Variants in NSMCE2 observed in about 807,000 individuals in gnomAD.
NSMCE2 encodes E3 SUMO-protein ligase NSE2.
In NSMCE2, 24 loss-of-function variants were observed where a neutral mutation model predicts 23.8. The observed-to-expected ratio is 1.01, with a 90% CI of 0.73 to 1.42. The LOEUF (loss-of-function observed/expected upper bound fraction) is 1.42. NSMCE2 is among the 40% of genes most tolerant of loss of function. NSMCE2 has a pLI of 0.00. For missense variants in NSMCE2, 284 were observed against 296.5 expected, an observed-to-expected ratio of 0.96 and a Z score of 0.31; for synonymous variants, 92 against 94.1, an observed-to-expected ratio of 0.98 and a Z score of 0.13.
chr8:125,277,631 C>T (rs916005408), intron 5 of NSMCE2, among the ~76,000 whole-genome samples: 1 of 151,986 alleles, frequency 6.6e-6, no homozygotes, highest in Non-Finnish European at 1.5e-5. Flanking sequence ...CTCAGCCTCC[C>T]GAGTAGCTGG....
intron 5 of NSMCE2, among the ~76,000 whole-genome samples, chr8:125,264,205 A>G (rs1826818345): frequency 6.6e-6 from 1 of 152,214 alleles, no homozygotes; most frequent in African/African-American, 2.4e-5. Context: ...GTGGACTGTC[A>G]TGAGTGTGAA....
intron 5 of NSMCE2, among the ~76,000 whole-genome samples, chr8:125,277,568 G>A (rs1424726228): frequency 3.3e-5 from 5 of 151,170 alleles, no homozygotes; most frequent in Non-Finnish European, 5.9e-5. Context: ...GTGCAGTGGC[G>A]CGATCTCAGC....
intron 5 of NSMCE2, among the ~76,000 whole-genome samples, chr8:125,296,138 TA>T (rs1828315300): frequency 6.6e-6 from 1 of 152,222 alleles, no homozygotes; most frequent in African/African-American, 2.4e-5. Flanking sequence ...TTATCTCATT[TA>T]ATACTTTCCA....
At chr8:125,144,542 C>T (rs1002421530) in intron 3 of NSMCE2, among the ~76,000 whole-genome samples, 13 of 152,282 alleles carry the variant, frequency 8.5e-5, no homozygotes, top group East Asian at 5.8e-4. Context: ...ACATAAGGAC[C>T]GTATTGCTAC....
At chr8:125,213,581 T>C (rs907673755) in intron 5 of NSMCE2, among the ~76,000 whole-genome samples, 3 of 128,708 alleles carry the variant, frequency 2.3e-5, no homozygotes, top group African/African-American at 8.5e-5. Flanking sequence ...CTCCCCTCTT[T>C]CCTTTCTTCT....
intron 3 of NSMCE2, among the ~76,000 whole-genome samples, chr8:125,113,792 C>T (rs1051433212): frequency 6.6e-6 from 1 of 152,084 alleles, no homozygotes; most frequent in Non-Finnish European, 1.5e-5. Flanking sequence ...CTGAAAGGGA[C>T]CTTAGTGGTT....
intron 5 of NSMCE2, among the ~76,000 whole-genome samples, chr8:125,320,442 C>T (rs1050386149): frequency 3.3e-5 from 5 of 151,516 alleles, no homozygotes; most frequent in East Asian, 3.9e-4. Context: ...AGGGATCTTA[C>T]GATCAAATTG....
chr8:125,146,637 A>G (rs572233763), intron 3 of NSMCE2, among the ~76,000 whole-genome samples: 4 of 152,266 alleles, frequency 2.6e-5, no homozygotes, highest in South Asian at 4.1e-4. Flanking sequence ...TCAGCAAACT[A>G]TCGCAAGGAC....
At chr8:125,326,575 C>G (rs1829671970) in intron 5 of NSMCE2, among the ~76,000 whole-genome samples, 1 of 152,058 alleles carries the variant, frequency 6.6e-6, no homozygotes. Flanking sequence ...GAGAGGACTT[C>G]TGATTTTATT....
chr8:125,181,700 C>CA (rs72131110), intron 4 of NSMCE2, among the ~76,000 whole-genome samples: 5,268 of 132,186 alleles, frequency 0.04, 212 homozygotes, highest in African/African-American at 0.11. Flanking sequence ...GGTGGAGGGC[C>CA]AAAAAAAAAA....
chr8:125,129,568 G>A (rs894001603), intron 3 of NSMCE2, among the ~76,000 whole-genome samples: 1 of 151,968 alleles, frequency 6.6e-6, no homozygotes, highest in East Asian at 1.9e-4. Flanking sequence ...GTGTGTGTGT[G>A]TGTGTGTGTG....
intron 3 of NSMCE2, among the ~76,000 whole-genome samples, chr8:125,123,342 T>G (rs1299039080): frequency 6.6e-6 from 1 of 152,188 alleles, no homozygotes; most frequent in Non-Finnish European, 1.5e-5. Flanking sequence ...CCACAATATT[T>G]ACTAAGTTCC....
chr8:125,202,215 G>A (rs1438280723), intron 5 of NSMCE2, among the ~76,000 whole-genome samples: 1 of 152,206 alleles, frequency 6.6e-6, no homozygotes, highest in Non-Finnish European at 1.5e-5. Context: ...CCCTCCATGG[G>A]CTGCACCAGC....
rs139714861 is a variant in NSMCE2 at position 125,319,802 on chromosome 8, T to C, written c.419-37417T>C. 7.9e-5 allele frequency among the ~76,000 whole-genome samples: 12 copies of C among 152,292 alleles called. No homozygotes were observed. In the East Asian group the frequency reaches 1.5e-3, roughly 20 times the overall value. ...GTCAAATATATGTTTTAGTGAAGTC[T>C]GGACAGTCTCAAGGAGTCACATATA... is the stretch of plus-strand genomic sequence containing the variant. On this transcript the variant is annotated intron_variant, in intron 5 of 7. Coordinates refer to ENST00000287437, the MANE Select transcript of NSMCE2 (RefSeq NM_173685.4).
chr8:125,272,507 T>C (rs1283263608), intron 5 of NSMCE2, among the ~76,000 whole-genome samples: 1 of 151,240 alleles, frequency 6.6e-6, no homozygotes, highest in Non-Finnish European at 1.5e-5. Context: ...GAGTGTAATG[T>C]CACTAGTTCT....
At chr8:125,131,570 C>G (rs1480058971) in intron 3 of NSMCE2, among the ~76,000 whole-genome samples, 2 of 151,944 alleles carry the variant, frequency 1.3e-5, no homozygotes, top group African/African-American at 4.8e-5. Flanking sequence ...CCAACAGGTG[C>G]AACACCATGG....
At chr8:125,333,192 C>CA (rs1829942385) in intron 5 of NSMCE2, among the ~76,000 whole-genome samples, 1 of 151,408 alleles carries the variant, frequency 6.6e-6, no homozygotes, top group Admixed American at 6.6e-5. Context: ...TTTTTAGAAA[C>CA]AGAGTCTCGC....
chr8:125,178,255 C>G (rs1454836406), intron 4 of NSMCE2, among the ~76,000 whole-genome samples: 1 of 152,096 alleles, frequency 6.6e-6, no homozygotes, highest in Admixed American at 6.5e-5. Flanking sequence ...AGCTGTTGAC[C>G]GTCTGCTCCT....
intron 3 of NSMCE2, among the ~76,000 whole-genome samples, chr8:125,115,870 A>G (rs1818982647): frequency 6.6e-6 from 1 of 152,172 alleles, no homozygotes; most frequent in African/African-American, 2.4e-5. Flanking sequence ...ATAGCCTACA[A>G]TAGGCAAGTA....
Sources: allele counts gnomAD v4.1 joint callset (sites outside exome capture counted in the v4.1 genomes callset), GRCh38; gene constraint gnomAD v4.1.1; transcripts MANE v1.5; gene names NCBI Gene and HGNC (gene_info 2026-07-23, HGNC 2026-07-21).